DCLK1: variants seen among roughly 807,000 people sequenced by gnomAD.
DCLK1 encodes the protein serine/threonine-protein kinase DCLK1.
A neutral mutation model predicts 86.2 loss-of-function variants in DCLK1; 16 were observed. That is an observed-to-expected ratio of 0.19 (90% CI 0.13 to 0.28). The LOEUF (loss-of-function observed/expected upper bound fraction) is 0.28. Ranked by LOEUF, DCLK1 falls within the 10% of genes least tolerant of loss-of-function variation. DCLK1 has a pLI of 1.00. For synonymous variants in DCLK1, 369 were observed against 370.5 expected, an observed-to-expected ratio of 1.00 and a Z score of 0.05; for missense variants, 590 against 940.2, an observed-to-expected ratio of 0.63 and a Z score of 4.87.
In DCLK1 at chr13:35,810,144, C is replaced by G. The variant is rs551082792; in HGVS notation, c.1688+691G>C. Among the ~76,000 whole-genome samples, 109 of 152,264 alleles carry G rather than the reference C, an allele frequency of 7.2e-4. 1 individual carries two copies. The highest frequency in any genetic ancestry group is 2.6e-3 in the African/African-American group (106 of 41,558). ...GACCTGAGTTCAAATCCTGACTCAACCACTAAAACTAATCATGAGCTTGCA... is the reference window on the plus strand; with the variant it reads ...GACCTGAGTTCAAATCCTGACTCAAGCACTAAAACTAATCATGAGCTTGCA... On this transcript the variant is annotated intron_variant, in intron 12 of 16. Transcript: ENST00000360631.
chr13:36,039,487 T>C (rs1353178889), intron 3 of DCLK1, among the ~76,000 whole-genome samples: 1 of 152,190 alleles, frequency 6.6e-6, no homozygotes, highest in Non-Finnish European at 1.5e-5. Flanking sequence ...ATCGGTGATT[T>C]TTTTTCAGCA....
chr13:35,938,242 G>A (rs2153130969), intron 4 of DCLK1, among the ~76,000 whole-genome samples: 1 of 152,262 alleles, frequency 6.6e-6, no homozygotes, highest in South Asian at 2.1e-4. Flanking sequence ...CTTAGAATGA[G>A]GGCAGTGGGT....
intron 3 of DCLK1, among the ~76,000 whole-genome samples, chr13:36,100,756 C>T (rs1885187796): frequency 6.6e-6 from 1 of 152,054 alleles, no homozygotes; most frequent in Admixed American, 6.5e-5. Flanking sequence ...TAGGCGACAC[C>T]CCCTCAGTCT....
intron 3 of DCLK1, among the ~76,000 whole-genome samples, chr13:36,007,061 A>G (rs896186595): frequency 6.6e-6 from 1 of 152,172 alleles, no homozygotes; most frequent in African/African-American, 2.4e-5. Flanking sequence ...GGGAAAGTAA[A>G]TGTGCATGCG....
At chr13:35,927,262 A>G (rs1445853768) in intron 4 of DCLK1, among the ~76,000 whole-genome samples, 2 of 152,240 alleles carry the variant, frequency 1.3e-5, no homozygotes, top group Non-Finnish European at 2.9e-5. Context: ...TGCATTATAC[A>G]TATTTTTAGA....
intron 11 of DCLK1, among the ~76,000 whole-genome samples, chr13:35,821,227 C>T (rs918283558): frequency 3.9e-5 from 6 of 152,268 alleles, no homozygotes; most frequent in African/African-American, 9.6e-5. Flanking sequence ...GAGGATGAAA[C>T]GAGATAATGA....
rs1015995213 is a variant in DCLK1, at chr13:36,067,414, G to C, written c.723+44455C>G. On this transcript the variant is annotated intron_variant, in intron 3 of 16. Coordinates refer to ENST00000360631, the MANE Select transcript of DCLK1 (RefSeq NM_001330071.2). ...CACACCCTGGGGACTGTTGTGGGGT[G>C]GGGGGAGGGGGGAGGGATAGCATTA... Among the ~76,000 whole-genome samples the C allele has an allele frequency of 8.9e-5, 10 of 112,256 alleles. No individual in the cohort carries two copies. In the South Asian group the frequency reaches 3.2e-3, roughly 36 times the overall value. The allele number at this position is 112,256 out of a possible 152,430, so 73.6% of individuals were successfully genotyped here.
At chr13:35,825,690 T>G (rs750236542) in intron 10 of DCLK1, among the ~76,000 whole-genome samples, 21 of 152,208 alleles carry the variant, frequency 1.4e-4, no homozygotes, top group Non-Finnish European at 2.6e-4. Context: ...AACATTGTTG[T>G]AAAAAGACTC....
intron 3 of DCLK1, among the ~76,000 whole-genome samples, chr13:36,014,953 C>G (rs952309394): frequency 1.3e-5 from 2 of 151,914 alleles, no homozygotes; most frequent in Non-Finnish European, 2.9e-5. Flanking sequence ...TTTTCCCCTA[C>G]CATGTTCTAA....
At chr13:36,028,302 C>G (rs1001529416) in intron 3 of DCLK1, among the ~76,000 whole-genome samples, 1 of 152,164 alleles carries the variant, frequency 6.6e-6, no homozygotes, top group Non-Finnish European at 1.5e-5. Flanking sequence ...AAGTCCAAAA[C>G]AGAGATTCTG....
chr13:36,047,120 A>G lies in DCLK1; in HGVS notation c.723+64749T>C, dbSNP rs180736779. Among the ~76,000 whole-genome samples the G allele has an allele frequency of 3.5e-4, 53 of 152,340 alleles. No individual in the cohort carries two copies. In the East Asian group the frequency reaches 5.0e-3, roughly 14 times the overall value. The stretch of plus-strand genomic sequence containing the variant: ...AGTCATCATGAAAATGCAAATTAAA[A>G]CTACAATGAGATATCTCACACCTGA... On this transcript the variant is annotated intron_variant, in intron 3 of 16. Transcript: ENST00000360631.
intron 3 of DCLK1, among the ~76,000 whole-genome samples, chr13:36,074,220 C>A (rs921377573): frequency 3.3e-5 from 5 of 151,974 alleles, no homozygotes; most frequent in South Asian, 2.1e-4. Context: ...ACAGAGAAGA[C>A]GGCCGGGCGT....
intron 3 of DCLK1, among the ~76,000 whole-genome samples, chr13:36,095,386 T>C (rs1884976350): frequency 6.6e-6 from 1 of 152,030 alleles, no homozygotes; most frequent in Non-Finnish European, 1.5e-5. Flanking sequence ...TTTGCATTTT[T>C]AGTAGAGACG....
At chr13:36,123,712 G>A (rs373848171) in intron 2 of DCLK1, among the ~76,000 whole-genome samples, 7 of 152,186 alleles carry the variant, frequency 4.6e-5, no homozygotes, top group Admixed American at 3.3e-4. Flanking sequence ...CCACCTCCTA[G>A]GATCATTGTG....
At chr13:35,977,170 A>G (rs367690238) in intron 3 of DCLK1, among the ~76,000 whole-genome samples, 4 of 152,228 alleles carry the variant, frequency 2.6e-5, no homozygotes, top group Non-Finnish European at 4.4e-5. Flanking sequence ...AATTTTATCA[A>G]CTGTTCCAAA....
At chr13:35,974,352 C>T (rs1879220049) in intron 3 of DCLK1, among the ~76,000 whole-genome samples, 1 of 152,148 alleles carries the variant, frequency 6.6e-6, no homozygotes, top group African/African-American at 2.4e-5. Context: ...GGAATTTGGT[C>T]ACAGACAGAT....
intron 5 of DCLK1, among the ~76,000 whole-genome samples, chr13:35,864,059 C>G (rs993524972): frequency 1.3e-5 from 2 of 152,146 alleles, no homozygotes; most frequent in African/African-American, 4.8e-5. Flanking sequence ...CAGCACCCAA[C>G]GTTGCCGGTC....
chr13:36,087,427 A>G (rs1884647844), intron 3 of DCLK1, among the ~76,000 whole-genome samples: 1 of 152,192 alleles, frequency 6.6e-6, no homozygotes, highest in South Asian at 2.1e-4. Context: ...GGAGTCTGTG[A>G]TCTTTTCGCT....
At chr13:35,916,328 A>G (rs1459846234) in intron 4 of DCLK1, among the ~76,000 whole-genome samples, 1 of 152,210 alleles carries the variant, frequency 6.6e-6, no homozygotes, top group East Asian at 1.9e-4. Context: ...AGCCCTGTAC[A>G]TTATAGAAAC....
Sources: gnomAD v4.1 joint callset for allele counts (sites outside exome capture counted in the v4.1 genomes callset) on GRCh38, gnomAD v4.1.1 for gene constraint, MANE v1.5 for transcripts, NCBI Gene and HGNC (gene_info 2026-07-23, HGNC 2026-07-21) for gene names.